The following RALYL variants were observed in gnomAD, a reference collection of about 807,000 sequenced individuals.
RALYL encodes RNA-binding Raly-like protein.
RALYL carries 29 observed loss-of-function variants against 35.1 expected under a neutral mutation model. The observed-to-expected ratio is 0.83, with a 90% CI of 0.61 to 1.13. The LOEUF (loss-of-function observed/expected upper bound fraction) is 1.13. Among genes scored for constraint, RALYL ranks in the 50% most tolerant of loss-of-function variants. The pLI is 0.00. For missense variants in RALYL, 359 were observed against 360.4 expected (o/e 1.00, Z 0.03); for synonymous variants, 120 against 127.6 (o/e 0.94, Z 0.40).
chr8:84,567,960 T>A (rs1193683833), intron 2 of RALYL, among the ~76,000 whole-genome samples: 1 of 151,844 alleles, frequency 6.6e-6, no homozygotes, highest in Non-Finnish European at 1.5e-5. Context: ...GGTTAAATGA[T>A]GTTGAGCATT....
intron 8 of RALYL, among the ~76,000 whole-genome samples, chr8:84,913,040 GTAGATAGATAGA>G (rs1554650721): frequency 1.6e-4 from 21 of 130,140 alleles, no homozygotes; most frequent in African/African-American, 4.8e-4. Context: ...GGATAGGTAG[GTAGATAGATAGA>G]TAGATAGATA....
chr8:84,360,981 A>G (rs1203651465), intron 1 of RALYL, among the ~76,000 whole-genome samples: 1 of 151,868 alleles, frequency 6.6e-6, no homozygotes, highest in African/African-American at 2.4e-5. Flanking sequence ...AAAAAAAGAA[A>G]AATAAGAAAT....
chr8:84,389,781 G>A (rs540063690), intron 1 of RALYL, among the ~76,000 whole-genome samples: 54 of 149,374 alleles, frequency 3.6e-4, no homozygotes, highest in South Asian at 2.1e-3. Flanking sequence ...CAATCATGTC[G>A]TCTGCAAACA....
At chr8:84,681,825 C>T (rs896205775) in intron 2 of RALYL, among the ~76,000 whole-genome samples, 2 of 152,150 alleles carry the variant, frequency 1.3e-5, no homozygotes, top group African/African-American at 2.4e-5. Context: ...ATTGAATACC[C>T]TTTATTTCCT....
At chr8:84,908,599 C>T (rs566805617) in intron 8 of RALYL, among the ~76,000 whole-genome samples, 21 of 152,142 alleles carry the variant, frequency 1.4e-4, no homozygotes, top group African/African-American at 4.6e-4. Context: ...ATCCATTCAC[C>T]CATTGTTAGA....
At chr8:84,443,832 A>T (rs935667759) in intron 1 of RALYL, among the ~76,000 whole-genome samples, 3 of 152,088 alleles carry the variant, frequency 2.0e-5, no homozygotes, top group Non-Finnish European at 4.4e-5. Flanking sequence ...CTACTTCTTA[A>T]TTACATACTA....
At chr8:84,664,263 A>ATTTG (rs1831500358) in intron 2 of RALYL, among the ~76,000 whole-genome samples, 1 of 58,034 alleles carries the variant, frequency 1.7e-5, no homozygotes, top group African/African-American at 7.4e-5. Flanking sequence ...ATGCCTCTAG[A>ATTTG]TTTTTTTTTT....
In RALYL at chr8:84,297,458, G is replaced by C. The variant is rs541781452; in HGVS notation, c.-24+113034G>C. Among the ~76,000 whole-genome samples the C allele has an allele frequency of 2.0e-5, 3 of 152,122 alleles. No individual in the cohort carries two copies. The South Asian group carries it at 6.2e-4, about 32-fold the overall frequency. ...CATTTTCTTTATTCAGTCTACTCTT[G>C]ATGGGCATTAAGGTTGATTCTATTA... On this transcript the variant is annotated intron_variant, in intron 1 of 8. Transcript: ENST00000521268.
chr8:84,839,938 A>G (rs1174089427), intron 4 of RALYL, among the ~76,000 whole-genome samples: 2 of 152,224 alleles, frequency 1.3e-5, no homozygotes, highest in East Asian at 3.8e-4. Flanking sequence ...TAACAAACAG[A>G]AAGGACATCC....
At chr8:84,535,514 C>A (rs1200921014) in intron 2 of RALYL, among the ~76,000 whole-genome samples, 2 of 151,412 alleles carry the variant, frequency 1.3e-5, no homozygotes, top group African/African-American at 2.4e-5. Context: ...CGGCTCACTG[C>A]AAGCTCCGCC....
chr8:84,655,877 A>G (rs1231183008), intron 2 of RALYL, among the ~76,000 whole-genome samples: 1 of 152,148 alleles, frequency 6.6e-6, no homozygotes, highest in East Asian at 1.9e-4. Flanking sequence ...CGCTGGAAGT[A>G]TGTTTCAGAA....
intron 1 of RALYL, among the ~76,000 whole-genome samples, chr8:84,291,104 A>C (rs956503941): frequency 1.3e-5 from 2 of 152,194 alleles, no homozygotes; most frequent in African/African-American, 4.8e-5. Flanking sequence ...AACAAGCTTA[A>C]AAGTATGTAA....
chr8:84,664,399 T>C (rs530921062), intron 2 of RALYL, among the ~76,000 whole-genome samples: 3 of 151,542 alleles, frequency 2.0e-5, no homozygotes, highest in Middle Eastern at 3.4e-3. Context: ...GAGAATAGCA[T>C]TGAATTTATA....
At chr8:84,423,533 A>C (rs567680145) in intron 1 of RALYL, among the ~76,000 whole-genome samples, 181 of 151,928 alleles carry the variant, frequency 1.2e-3, no homozygotes, top group African/African-American at 4.3e-3. Flanking sequence ...TTAATTGGAG[A>C]ATTTAGTCCA....
At chr8:84,347,790 C>G (rs1850116943) in intron 1 of RALYL, among the ~76,000 whole-genome samples, 1 of 152,100 alleles carries the variant, frequency 6.6e-6, no homozygotes, top group Non-Finnish European at 1.5e-5. Flanking sequence ...GGATTAGCAT[C>G]AGCAGCTTTG....
chr8:84,388,115 A>C, intron 1 of RALYL, among the ~76,000 whole-genome samples: 1 of 151,968 alleles, frequency 6.6e-6, no homozygotes, highest in Non-Finnish European at 1.5e-5. Flanking sequence ...TTCTTGCGAT[A>C]GTTTACTGAG....
intron 2 of RALYL, among the ~76,000 whole-genome samples, chr8:84,677,168 G>A (rs1174049767): frequency 6.6e-6 from 1 of 152,138 alleles, no homozygotes; most frequent in Non-Finnish European, 1.5e-5. Flanking sequence ...ATTTTATCAA[G>A]GCAGAGCTAT....
chr8:84,243,501 C>CTTT (rs34469585), intron 1 of RALYL, among the ~76,000 whole-genome samples: 2,867 of 97,422 alleles, frequency 0.029, 160 homozygotes, highest in African/African-American at 0.041. Flanking sequence ...CTCTCTCACA[C>CTTT]TTTTTTTTTT....
chr8:84,690,343 G>C lies in RALYL; in HGVS notation c.257-84236G>C, dbSNP rs576723722. On this transcript the variant is annotated intron_variant, in intron 2 of 8. Coordinates refer to ENST00000521268, the MANE Select transcript of RALYL (RefSeq NM_173848.7). ...ATCTAAAAAAATCAAATCCATAAAA[G>C]CAGATAATAGGATGGTAGTTGGCAG... 2.6e-5 allele frequency among the ~76,000 whole-genome samples: 4 copies of C among 152,184 alleles called. 1 individual carries two copies. The Middle Eastern group carries it at 0.01, about 388-fold the overall frequency.
Sources: gnomAD v4.1 joint callset for allele counts (sites outside exome capture counted in the v4.1 genomes callset) on GRCh38, gnomAD v4.1.1 for gene constraint, MANE v1.5 for transcripts, NCBI Gene and HGNC (gene_info 2026-07-23, HGNC 2026-07-21) for gene names.